ESRRG: variants seen among roughly 807,000 people sequenced by gnomAD.
ESRRG encodes estrogen-related receptor gamma.
In ESRRG, 13 loss-of-function variants were observed where a neutral mutation model predicts 44.0. The observed-to-expected ratio is 0.30, with a 90% confidence interval of 0.19 to 0.47. The LOEUF (loss-of-function observed/expected upper bound fraction) is 0.47. Ranked by LOEUF, ESRRG falls within the 20% of genes least tolerant of loss-of-function variation. The pLI is 1.00. For synonymous variants in ESRRG, 215 were observed against 214.6 expected, an observed-to-expected ratio of 1.00 and a Z score of -0.02; for missense variants, 395 against 580.6, an observed-to-expected ratio of 0.68 and a Z score of 3.29.
At position 216,812,632 on chromosome 1, in the gene ESRRG, A is replaced by G. The variant is rs11572588; in HGVS notation, c.-14+126950T>C. ...ATCAGTCTTTCTTTCTTAGAAATAA[A>G]TTTGGTAACTCTGGCTCAAATATAA... On this transcript the variant is annotated intron_variant, in intron 2 of 7. Coordinates refer to the ESRRG transcript ENST00000359162. 1.0e-3 allele frequency among the ~76,000 whole-genome samples: 153 copies of G among 152,296 alleles called. 1 individual carries two copies. The highest frequency in any genetic ancestry group is 1.6e-3 in the Non-Finnish European group (110 of 68,018).
At chr1:216,889,990 G>T (rs566854290) in intron 2 of ESRRG, among the ~76,000 whole-genome samples, 1 of 152,116 alleles carries the variant, frequency 6.6e-6, no homozygotes, top group Non-Finnish European at 1.5e-5. Context: ...AATAGGCTGG[G>T]TATGGTGGCT....
In ESRRG at chr1:216,615,777, G is replaced by T. The variant is rs540138972; in HGVS notation, c.589+35196C>A. 1.2e-3 allele frequency among the ~76,000 whole-genome samples: 164 copies of T among 134,220 alleles called. 1 individual carries two copies. Among genetic ancestry groups the T allele is most frequent in the African/African-American group, 4.6e-3 (159 of 34,916 alleles). The allele number at this position is 134,220 out of a possible 152,430, so 88.1% of individuals were successfully genotyped here. On this transcript the variant is annotated intron_variant, in intron 3 of 6. Coordinates refer to ENST00000408911, the MANE Select transcript of ESRRG (RefSeq NM_001438.4). ...TCCTGAGATGGAGTCTCACTCTGTCGCCCAGGCTCAAGAGATTCTCCTGAC... is the reference window on the plus strand; with the variant it reads ...TCCTGAGATGGAGTCTCACTCTGTCTCCCAGGCTCAAGAGATTCTCCTGAC...
intron 1 of ESRRG, among the ~76,000 whole-genome samples, chr1:217,008,203 G>A (rs188674389): frequency 2.8e-4 from 42 of 152,262 alleles, no homozygotes; most frequent in African/African-American, 9.1e-4. Context: ...TATGGGCAAC[G>A]TAACTATTAT....
At chr1:216,523,710 C>T (rs1451193479) in intron 5 of ESRRG, among the ~76,000 whole-genome samples, 5 of 151,978 alleles carry the variant, frequency 3.3e-5, no homozygotes, top group Non-Finnish European at 5.9e-5. Flanking sequence ...TTAACCCCTG[C>T]TAGGCATTTT....
intron 2 of ESRRG, among the ~76,000 whole-genome samples, chr1:216,893,972 T>C (rs894747355): frequency 2.0e-5 from 3 of 152,170 alleles, no homozygotes; most frequent in African/African-American, 7.2e-5. Flanking sequence ...TGATTTGGAA[T>C]TGAGTCAAAA....
chr1:217,020,378 T>C (rs2080100760), intron 1 of ESRRG, among the ~76,000 whole-genome samples: 1 of 152,222 alleles, frequency 6.6e-6, no homozygotes. Flanking sequence ...TGCTATTGCT[T>C]AACTGTAGGG....
chr1:216,614,339 T>G (rs550190384), intron 3 of ESRRG, among the ~76,000 whole-genome samples: 1 of 93,522 alleles, frequency 1.1e-5, no homozygotes, highest in African/African-American at 4.4e-5. Context: ...GACATCCTCT[T>G]TCTCTTTTTT....
At chr1:217,090,929 T>C (rs2092333704), upstream of ESRRG, among the ~76,000 whole-genome samples, 1 of 152,230 alleles carries the variant, frequency 6.6e-6, no homozygotes, top group African/African-American at 2.4e-5. Flanking sequence ...CTTCTGCAAA[T>C]ATGAGAATGC....
chr1:216,830,738 TG>T (rs140211582), intron 2 of ESRRG, among the ~76,000 whole-genome samples: 5,163 of 152,042 alleles, frequency 0.034, 314 homozygotes, highest in African/African-American at 0.12. Context: ...CGGGAGCCAA[TG>T]AGGAGTCAAC....
chr1:217,134,789 T>C (rs1349721851), intron 1 of ESRRG, among the ~76,000 whole-genome samples: 3 of 152,210 alleles, frequency 2.0e-5, no homozygotes, highest in Admixed American at 1.3e-4. Flanking sequence ...CCCTTGACGT[T>C]TGATTTCTAA....
intron 3 of ESRRG, among the ~76,000 whole-genome samples, chr1:216,646,542 A>T (rs2067627312): frequency 6.6e-6 from 1 of 152,112 alleles, no homozygotes; most frequent in Non-Finnish European, 1.5e-5. Context: ...CCAGGGCTTG[A>T]ATCTACAAGC....
At chr1:217,028,563 G>A (rs1425672019) in intron 1 of ESRRG, among the ~76,000 whole-genome samples, 1 of 152,144 alleles carries the variant, frequency 6.6e-6, no homozygotes, top group African/African-American at 2.4e-5. Flanking sequence ...AGAAATTTCT[G>A]GGTTCAATTT....
chr1:216,743,392 T>C (rs2090993402), intron 2 of ESRRG, among the ~76,000 whole-genome samples: 1 of 152,134 alleles, frequency 6.6e-6, no homozygotes, highest in Admixed American at 6.6e-5. Context: ...AATAAATATC[T>C]CAGTGTGAAA....
At chr1:216,765,497 C>T (rs2093029526) in intron 2 of ESRRG, among the ~76,000 whole-genome samples, 1 of 152,016 alleles carries the variant, frequency 6.6e-6, no homozygotes. Flanking sequence ...TAGCAGGAAG[C>T]CAAATTTATC....
intron 5 of ESRRG, among the ~76,000 whole-genome samples, chr1:216,544,827 G>A (rs926965789): frequency 7.2e-5 from 11 of 151,932 alleles, no homozygotes; most frequent in Non-Finnish European, 1.3e-4. Context: ...TAGATGGAGA[G>A]AAACTGAATT....
chr1:216,545,215 T>A (rs978231450), intron 5 of ESRRG, among the ~76,000 whole-genome samples: 1 of 148,180 alleles, frequency 6.7e-6, no homozygotes, highest in African/African-American at 2.5e-5. Flanking sequence ...GCCTAGCTAA[T>A]TTTTTAATTT....
At chr1:216,848,329 TCTAC>T (rs2095791195) in intron 2 of ESRRG, among the ~76,000 whole-genome samples, 2 of 151,566 alleles carry the variant, frequency 1.3e-5, no homozygotes, top group African/African-American at 4.9e-5. Flanking sequence ...TAAATTTTTC[TCTAC>T]CTGAGGTTTA....
At chr1:216,977,812 C>A (rs2073239688) in intron 1 of ESRRG, among the ~76,000 whole-genome samples, 1 of 152,088 alleles carries the variant, frequency 6.6e-6, no homozygotes, top group Non-Finnish European at 1.5e-5. Context: ...GGTGATCAGG[C>A]CATGGGTGAC....
At chr1:217,076,961 T>A (rs1215343037) in intron 1 of ESRRG, 1 of 152,170 alleles carries the variant, frequency 6.6e-6, no homozygotes. Flanking sequence ...CTACTTGGGT[T>A]GGTTGGAAAT....
Sources: gnomAD v4.1 joint callset for allele counts (sites outside exome capture counted in the v4.1 genomes callset) on GRCh38, gnomAD v4.1.1 for gene constraint, MANE v1.5 for transcripts, NCBI Gene and HGNC (gene_info 2026-07-23, HGNC 2026-07-21) for gene names.